Variants in IARS2 observed in about 807,000 individuals in gnomAD.
IARS2 encodes the protein isoleucyl-tRNA synthetase 2, mitochondrial, also known as isoleucine--tRNA ligase, mitochondrial.
Under a neutral mutation model 126.3 loss-of-function variants are expected in IARS2, and 56 were observed. The observed-to-expected ratio is 0.44, with a 90% CI of 0.36 to 0.55. The LOEUF (loss-of-function observed/expected upper bound fraction) is 0.55, where lower values mean the gene tolerates loss of function less well. IARS2 is among the 20% of genes least tolerant of loss of function. IARS2 has a pLI of 0.00. For synonymous variants in IARS2, 407 were observed against 441.1 expected, an observed-to-expected ratio of 0.92 and a Z score of 0.97; for missense variants, 1,127 against 1,245.9, an observed-to-expected ratio of 0.90 and a Z score of 1.44.
Position 220,145,626 on chromosome 1 carries a change from A to G in IARS2, c.2869A>G (p.Lys957Glu), listed in dbSNP as rs990987236. Residue 957 changes from lysine to glutamate, a missense_variant, in exon 22 of 23, where the codon AAA becomes GAA. Transcript: ENST00000366922. Reference sequence around the variant, plus strand: ...GATGACTGCAGATGTAATCGAGCTTAAAGGGAAATTCCTCATCAACTTAGA... The same window carrying G: ...GATGACTGCAGATGTAATCGAGCTTGAAGGGAAATTCCTCATCAACTTAGA... ...REMTADVIEL[K>E]GKFLINLEGG... 1.2e-5 allele frequency: 20 copies of G among 1,613,170 alleles called. No individual in the cohort carries two copies. The highest frequency in any genetic ancestry group is 1.7e-5 in the Non-Finnish European group (20 of 1,179,480).
At chr1:220,101,276 T>C (rs1163526890) in intron 3 of IARS2, among the ~76,000 whole-genome samples, 1 of 152,204 alleles carries the variant, frequency 6.6e-6, no homozygotes. Flanking sequence ...TATGAGGTCA[T>C]TGTATAAAGT....
intron 1 of IARS2, 44 bp downstream of exon 1, chr1:220,094,527 C>G (rs769966039): frequency 2.0e-6 from 3 of 1,487,560 alleles, no homozygotes; most frequent in East Asian, 5.0e-5. Flanking sequence ...GAGGCCCGAT[C>G]CGGCCGCGGG....
Position 220,108,553 on chromosome 1 carries a change from T to C in IARS2, c.1327+1402T>C, listed in dbSNP as rs141085423. On this transcript the variant is annotated intron_variant, in intron 10 of 22. Transcript: ENST00000366922. ...GGCGCCTGCCACCATGCCCAGCTAA[T>C]TTTTTGTATTTTTAGTAGAGATGGG... Among the ~76,000 whole-genome samples the C allele has an allele frequency of 7.6e-3, 1,155 of 151,014 alleles. 13 individuals are homozygous for C. The highest frequency in any genetic ancestry group is 0.025 in the African/African-American group (1,040 of 41,112).
intron 12 of IARS2, among the ~76,000 whole-genome samples, chr1:220,115,425 G>A (rs1158683599): frequency 1.3e-5 from 2 of 152,074 alleles, no homozygotes; most frequent in East Asian, 1.9e-4. Context: ...GCCAGGCATG[G>A]TGGCGCGGGC....
chr1:220,097,862 A>G (rs1271058655), intron 2 of IARS2, among the ~76,000 whole-genome samples: 2 of 151,974 alleles, frequency 1.3e-5, no homozygotes, highest in Non-Finnish European at 2.9e-5. Context: ...TCCATAAAAA[A>G]CAGTGGCATC....
chr1:220,144,168 A>G (rs1392670848), intron 21 of IARS2: 2 of 796,718 alleles, frequency 2.5e-6, no homozygotes, highest in East Asian at 4.8e-5. Flanking sequence ...GGTTCACAAC[A>G]ATTTTCCCAG....
At chr1:220,146,517 C>CAAAAA (rs1186000971) in intron 22 of IARS2, among the ~76,000 whole-genome samples, 3,350 of 61,746 alleles carry the variant, frequency 0.054, 409 homozygotes, top group African/African-American at 0.11. Flanking sequence ...GACTCCGTCT[C>CAAAAA]AAAAAAAAAA....
intron 11 of IARS2, among the ~76,000 whole-genome samples, chr1:220,113,155 A>G (rs1460829387): frequency 1.3e-5 from 2 of 152,114 alleles, no homozygotes; most frequent in Non-Finnish European, 2.9e-5. Context: ...GTGAGCCACC[A>G]TGCTCGGCCA....
In IARS2 at chr1:220,137,930, G is replaced by T. The variant is rs2102839341; in HGVS notation, c.2062G>T (p.Glu688Ter). Reference protein sequence around the residue: ...VVNGGQDQSKEPPYGADVLRW... With the variant: ...VVNGGQDQSK ...TCTCAATGAAAAGGATCAAAGCAAA[G>T]AGCCTCCGTATGGTGCTGATGTCCT... The change falls in exon 17 of 23, where the codon GAG becomes TAG. Residue 688 changes from glutamate to a stop codon, truncating the protein, a stop_gained. Transcript: ENST00000366922. LOFTEE classifies it high-confidence loss of function. 1.2e-6 allele frequency: 2 copies of T among 1,614,046 alleles called. No individual in the cohort carries two copies. Among genetic ancestry groups the T allele is most frequent in the Non-Finnish European group, 1.7e-6 (2 of 1,180,000 alleles).
In IARS2 at chr1:220,147,580, C is replaced by T. The variant is rs779950037; in HGVS notation, c.2984C>T (p.Ala995Val). The change falls in exon 23 of 23, where the codon GCG (alanine) becomes GTG (valine). Residue 995 changes from alanine (A) to valine (V), a missense_variant. Ala to Val is a moderately conservative substitution (Grantham distance 64, BLOSUM62 0). Coordinates refer to ENST00000366922, the MANE Select transcript of IARS2 (RefSeq NM_018060.4). Reference sequence around the variant, plus strand: ...TGCCCCCGTTGTTGGAAGTATACAGCGGAGTCTTCAGATACACTGTGTCCT... The same window carrying T: ...TGCCCCCGTTGTTGGAAGTATACAGTGGAGTCTTCAGATACACTGTGTCCT... ...EKCPRCWKYTAESSDTLCPRC... is the reference protein window; with the variant it reads ...EKCPRCWKYTVESSDTLCPRC... 2.2e-5 allele frequency: 35 copies of T among 1,613,880 alleles called. No individual in the cohort carries two copies. Among genetic ancestry groups the T allele is most frequent in the Non-Finnish European group, 2.7e-5 (32 of 1,179,938 alleles).
intron 8 of IARS2, 90 bp from the exon 9 acceptor site, chr1:220,105,801 G>T: frequency 9.3e-7 from 1 of 1,080,218 alleles, no homozygotes; most frequent in East Asian, 2.4e-5. Flanking sequence ...TCTAGATTCT[G>T]CACATTTAAC....
chr1:220,117,969 A>C lies in IARS2; in HGVS notation c.1640+3495A>C, dbSNP rs868781381. The stretch of plus-strand genomic sequence containing the variant: ...TATACCATTTCTGAATGATGACTTT[A>C]ATCCTCTTCCATTATTGGATCTTTT... On this transcript the variant is annotated intron_variant, in intron 12 of 22. Transcript: ENST00000366922. 6.2e-6 allele frequency: 3 copies of C among 486,314 alleles called. No individual in the cohort carries two copies. In the Middle Eastern group the frequency reaches 1.0e-3, roughly 162 times the overall value. The allele number at this position is 486,314 out of a possible 1,614,324, so 30.1% of individuals were successfully genotyped here.
At chr1:220,113,973 A>G (rs1301438755) in intron 11 of IARS2, among the ~76,000 whole-genome samples, 1 of 152,216 alleles carries the variant, frequency 6.6e-6, no homozygotes, top group African/African-American at 2.4e-5. Context: ...GTGAAGTATA[A>G]TAGTTCTATG....
intron 21 of IARS2, chr1:220,144,460 T>C (rs1558133035): frequency 4.0e-6 from 2 of 497,780 alleles, no homozygotes; most frequent in African/African-American, 3.9e-5. Flanking sequence ...ATTTAAATTT[T>C]TAATGATGTA....
chr1:220,100,701 C>T (rs1204679102), intron 3 of IARS2, 52 bp downstream of exon 3: 1 of 1,416,458 alleles, frequency 7.1e-7, no homozygotes, highest in Non-Finnish European at 9.8e-7. Context: ...CACTCAGGTC[C>T]TTGAAATAGT....
intron 12 of IARS2, among the ~76,000 whole-genome samples, 191 bp from the exon 13 acceptor site, chr1:220,125,046 A>G (rs753917855): frequency 1.3e-5 from 2 of 152,220 alleles, no homozygotes; most frequent in Non-Finnish European, 2.9e-5. Context: ...TAACGGAAAC[A>G]GATGTTTTTT....
intron 16 of IARS2, chr1:220,137,697 T>C: frequency 2.0e-6 from 1 of 495,992 alleles, no homozygotes; most frequent in Non-Finnish European, 3.6e-6. Flanking sequence ...TGAGCATTTG[T>C]GCATTGAACA....
intron 11 of IARS2, among the ~76,000 whole-genome samples, chr1:220,113,634 T>G (rs1656854476): frequency 7.1e-6 from 1 of 141,596 alleles, no homozygotes; most frequent in South Asian, 2.1e-4. Flanking sequence ...TAGATATATA[T>G]ATATAGAGAG....
intron 3 of IARS2, among the ~76,000 whole-genome samples, 158 bp from the exon 4 acceptor site, chr1:220,101,971 A>G (rs1201177667): frequency 6.6e-6 from 1 of 152,226 alleles, no homozygotes; most frequent in Non-Finnish European, 1.5e-5. Context: ...CACTCGCGCC[A>G]CTGCACTCTA....
Sources: allele counts gnomAD v4.1 joint callset (sites outside exome capture counted in the v4.1 genomes callset), GRCh38; gene constraint gnomAD v4.1.1; transcripts MANE v1.5; gene names NCBI Gene and HGNC (gene_info 2026-07-23, HGNC 2026-07-21).